FAM204A: variants seen among roughly 807,000 people sequenced by gnomAD.
FAM204A encodes protein FAM204A.
Under a neutral mutation model 35.4 loss-of-function variants are expected in FAM204A, and 16 were observed. The observed-to-expected ratio is 0.45, with a 90% CI of 0.31 to 0.69. The LOEUF (loss-of-function observed/expected upper bound fraction) is 0.69, where lower values mean the gene tolerates loss of function less well. Among genes scored for constraint, FAM204A ranks in the 30% least tolerant of loss-of-function variants. FAM204A has a pLI of 0.07. For missense variants in FAM204A, 240 were observed against 265.7 expected, an observed-to-expected ratio of 0.90 and a Z score of 0.67; for synonymous variants, 76 against 86.9, an observed-to-expected ratio of 0.88 and a Z score of 0.70.
At chr10:118,339,464 G>A (rs997675838) in intron 2 of FAM204A, among the ~76,000 whole-genome samples, 2 of 152,064 alleles carry the variant, frequency 1.3e-5, no homozygotes, top group African/African-American at 4.8e-5. Flanking sequence ...CTTTCAGAGC[G>A]TATTTCTTTA....
intron 3 of FAM204A, 82 bp downstream of exon 3, chr10:118,336,100 G>A (rs1846381212): frequency 1.3e-6 from 2 of 1,487,694 alleles, no homozygotes; most frequent in Non-Finnish European, 9.1e-7. Flanking sequence ...AAGAATACAT[G>A]CACATTCTGA....
intron 7 of FAM204A, among the ~76,000 whole-genome samples, chr10:118,312,661 T>C (rs1300347494): frequency 6.6e-6 from 1 of 152,046 alleles, no homozygotes; most frequent in Non-Finnish European, 1.5e-5. Flanking sequence ...GCCGAATTGG[T>C]CAACATCAAC....
chr10:118,335,625 T>C lies in FAM204A; in HGVS notation c.251A>G (p.His84Arg), dbSNP rs1846371975. The change falls in exon 4 of 9, where the codon CAT becomes CGT. Residue 84 changes from histidine to arginine, a missense_variant. Coordinates refer to ENST00000369183, the MANE Select transcript of FAM204A (RefSeq NM_022063.3). ...GCTTTTCTGTTCAGAATGTTTTTTATGCAATTCTTGAAATTTCTATGTAAA... is the reference window on the plus strand; with the variant it reads ...GCTTTTCTGTTCAGAATGTTTTTTACGCAATTCTTGAAATTTCTATGTAAA... Reference protein sequence around the residue: ...IDMWNKFQELHKKHSEQKSTT... With the variant: ...IDMWNKFQELRKKHSEQKSTT... 1.2e-6 allele frequency: 2 copies of C among 1,605,028 alleles called. No homozygotes were observed. The highest frequency in any genetic ancestry group is 1.7e-5 in the Admixed American group (1 of 57,770).
In FAM204A at chr10:118,303,204, G is replaced by A. The variant is rs532212745; in HGVS notation, c.*7653C>T. 3 of 152,342 alleles carry A rather than the reference G, an allele frequency of 2.0e-5. No individual in the cohort carries two copies. The highest frequency in any genetic ancestry group is 2.9e-5 in the Non-Finnish European group (2 of 68,038). 9.4% of individuals were successfully genotyped at this position (152,342 alleles called of 1,614,324 possible). A position where few individuals can be genotyped will look rare whatever the true frequency, so the allele number is the denominator to read the frequency against. ...TGGCTTTCTTAGAGGAATAGTGCAA[G>A]AGCACTGTATGGGAAGAGTAATGAA... On this transcript the variant is annotated 3_prime_UTR_variant, in exon 9 of 9. Coordinates refer to ENST00000369183, the MANE Select transcript of FAM204A (RefSeq NM_022063.3).
At chr10:118,337,596 C>T (rs1376100203) in intron 2 of FAM204A, among the ~76,000 whole-genome samples, 5 of 152,148 alleles carry the variant, frequency 3.3e-5, no homozygotes, top group Non-Finnish European at 7.4e-5. Flanking sequence ...AATATCCTCA[C>T]CAAATATTCT....
intron 7 of FAM204A, among the ~76,000 whole-genome samples, chr10:118,315,976 T>C (rs1456002030): frequency 6.6e-6 from 1 of 152,178 alleles, no homozygotes; most frequent in Admixed American, 6.5e-5. Flanking sequence ...CAAATTAGCC[T>C]CTCATCTTTT....
In FAM204A at chr10:118,339,900, A is replaced by G. The variant is rs539014998; in HGVS notation, c.-9+1827T>C. Among the ~76,000 whole-genome samples the G allele has an allele frequency of 2.0e-5, 3 of 152,242 alleles. No individual in the cohort carries two copies. The East Asian group carries it at 5.8e-4, about 29-fold the overall frequency. On this transcript the variant is annotated intron_variant, in intron 2 of 8. Transcript: ENST00000369183. ...ATATTTATATACTGTCCTAGTCTGAATAACTAGGGTTTCTTGTTTGTTTGT... is the reference window on the plus strand; with the variant it reads ...ATATTTATATACTGTCCTAGTCTGAGTAACTAGGGTTTCTTGTTTGTTTGT...
At chr10:118,330,056 A>C (rs1207843081) in intron 6 of FAM204A, among the ~76,000 whole-genome samples, 2 of 152,228 alleles carry the variant, frequency 1.3e-5, no homozygotes, top group Admixed American at 6.5e-5. Flanking sequence ...CCCAGAGCTT[A>C]AAATAGTACC....
chr10:118,333,494 T>C (rs1211424315), intron 6 of FAM204A, among the ~76,000 whole-genome samples: 2 of 152,190 alleles, frequency 1.3e-5, no homozygotes, highest in African/African-American at 2.4e-5. Flanking sequence ...GGATTTGCAG[T>C]AGAAACTTTA....
rs1168259399 is a variant in FAM204A, at chr10:118,328,445, G to A, written c.454-2202C>T. 8.6e-5 allele frequency among the ~76,000 whole-genome samples: 13 copies of A among 151,900 alleles called. 1 individual carries two copies. Among genetic ancestry groups the A allele is most frequent in the Admixed American group, 8.5e-4 (13 of 15,254 alleles). ...TTCTGTGGAAAAACTCTAGGCTGGCGGCCCAGCAATCCATATGATTCTGAT... is the reference window on the plus strand; with the variant it reads ...TTCTGTGGAAAAACTCTAGGCTGGCAGCCCAGCAATCCATATGATTCTGAT... On this transcript the variant is annotated intron_variant, in intron 6 of 8. Transcript: ENST00000369183.
Position 118,310,866 on chromosome 10 carries a change from T to C in FAM204A, c.693A>G (p.Gly231=). 6.2e-7 allele frequency: 1 copy of C among 1,602,892 alleles called. No homozygotes were observed. Among genetic ancestry groups the C allele is most frequent in the Non-Finnish European group, 8.5e-7 (1 of 1,177,056 alleles). ...GAAGCACTCTGGCAAGTTACATGTA[T>C]CCCATGTTGCTTTTGGTTTCCCATC... ...KKRWETKSNM[G]YM The change falls in exon 9 of 9, where the codon GGA becomes GGG. Residue 231 remains glycine (G), a synonymous_variant. Transcript: ENST00000369183.
chr10:118,311,992 C>T (rs559358559), intron 7 of FAM204A, among the ~76,000 whole-genome samples: 3 of 152,276 alleles, frequency 2.0e-5, no homozygotes, highest in South Asian at 4.1e-4. Flanking sequence ...CGTGAAATCC[C>T]CCCATCCCAG....
At chr10:118,313,812 G>A (rs1845989487) in intron 7 of FAM204A, among the ~76,000 whole-genome samples, 1 of 152,100 alleles carries the variant, frequency 6.6e-6, no homozygotes, top group African/African-American at 2.4e-5. Flanking sequence ...CATTAACAAT[G>A]TGAGAAAATT....
chr10:118,335,108 T>C lies in FAM204A; in HGVS notation c.453+6A>G, dbSNP rs200125222. 4.4e-6 allele frequency: 7 copies of C among 1,596,326 alleles called. No homozygotes were observed. In the Admixed American group the frequency reaches 5.0e-5, roughly 11 times the overall value. Reference sequence around the variant, plus strand: ...CTGGTATAAGATGCAATAACAAAGATATTACCTTCTCAACTTTTTTCCTTT... The same window carrying C: ...CTGGTATAAGATGCAATAACAAAGACATTACCTTCTCAACTTTTTTCCTTT... On this transcript the variant is annotated splice_donor_region_variant and intron_variant, in intron 6 of 8. Coordinates refer to ENST00000369183, the MANE Select transcript of FAM204A (RefSeq NM_022063.3).
At position 118,335,130 on chromosome 10, in the gene FAM204A, C is replaced by A. The variant is rs1564763676; in HGVS notation, c.437G>T (p.Arg146Met). The A allele has an allele frequency of 1.2e-6, 2 of 1,611,656 alleles. No individual in the cohort carries two copies. The highest frequency in any genetic ancestry group is 1.7e-6 in the Non-Finnish European group (2 of 1,179,052). Residue 146 changes from arginine (R) to methionine (M), a missense_variant, in exon 6 of 9, where the codon AGG becomes ATG. Around this residue, in one of 2 missense-constraint regions of FAM204A, gnomAD observed 232 missense variants for 242.8 expected, o/e 0.96. Coordinates refer to ENST00000369183, the MANE Select transcript of FAM204A (RefSeq NM_022063.3). ...VNDRFDPPVK[R>M]KKVEKSGLEK... The stretch of plus-strand genomic sequence containing the variant: ...AGATATTACCTTCTCAACTTTTTTC[C>A]TTTTAACAGGCGGGTCAAATCTATC...
chr10:118,309,376 T>C lies in FAM204A; in HGVS notation c.*1481A>G, dbSNP rs947481516. 7 of 152,236 alleles carry C rather than the reference T, an allele frequency of 4.6e-5. No individual in the cohort carries two copies. The highest frequency in any genetic ancestry group is 9.6e-5 in the African/African-American group (4 of 41,470). The allele number at this position is 152,236 out of a possible 1,614,324, so 9.4% of individuals were successfully genotyped here. A position where few individuals can be genotyped will look rare whatever the true frequency, so the allele number is the denominator to read the frequency against. On this transcript the variant is annotated 3_prime_UTR_variant, in exon 9 of 9. Coordinates refer to ENST00000369183, the MANE Select transcript of FAM204A (RefSeq NM_022063.3). ...CACCATAAATAAAATTTTGTTACTATTTTAAGTCTAAAAATAACAGTAATA... is the reference window on the plus strand; with the variant it reads ...CACCATAAATAAAATTTTGTTACTACTTTAAGTCTAAAAATAACAGTAATA...
intron 7 of FAM204A, among the ~76,000 whole-genome samples, chr10:118,314,909 A>G (rs919981696): frequency 3.3e-5 from 5 of 152,272 alleles, no homozygotes; most frequent in African/African-American, 1.2e-4. Context: ...ATTAAGCTCT[A>G]AAGGCTTTTT....
At chr10:118,332,440 A>G (rs893213451) in intron 6 of FAM204A, among the ~76,000 whole-genome samples, 1 of 151,322 alleles carries the variant, frequency 6.6e-6, no homozygotes, top group African/African-American at 2.4e-5. Flanking sequence ...GTACCACTAC[A>G]ACACTCCCCA....
intron 7 of FAM204A, among the ~76,000 whole-genome samples, chr10:118,318,262 A>T (rs1846060856): frequency 6.6e-6 from 1 of 152,042 alleles, no homozygotes; most frequent in Non-Finnish European, 1.5e-5. Flanking sequence ...GAGACATAAA[A>T]TATATTTTGC....
Sources: gnomAD v4.1 joint callset for allele counts (sites outside exome capture counted in the v4.1 genomes callset) on GRCh38, gnomAD v4.1.1 for gene constraint, gnomAD v4.1.1 regional missense constraint, MANE v1.5 for transcripts, NCBI Gene and HGNC (gene_info 2026-07-23, HGNC 2026-07-21) for gene names.